The following SPATA31H1 variants were observed in gnomAD, a reference collection of about 807,000 sequenced individuals.
The protein encoded by SPATA31H1 is spermatogenesis-associated protein 31H1.
At chr2:27,550,224 C>CT in the SPATA31H1 span, among the ~76,000 whole-genome samples, 29,178 of 140,438 alleles carry the variant, frequency 0.21, 3,140 homozygotes, top group East Asian at 0.36. Flanking sequence ...AGTGGGGATT[C>CT]TTTTTTTTTT....
At chr2:27,568,952 C>T in the SPATA31H1 span, 1 of 398,942 alleles carries the variant, frequency 2.5e-6, no homozygotes, top group Non-Finnish European at 4.4e-6. Flanking sequence ...TAGAGATGAT[C>T]TCCGGACCAG....
the SPATA31H1 span, among the ~76,000 whole-genome samples, chr2:27,547,840 T>C: frequency 6.6e-6 from 1 of 151,976 alleles, no homozygotes. Context: ...GCTTCAACTC[T>C]CTTACCTTAT....
the SPATA31H1 span, among the ~76,000 whole-genome samples, chr2:27,539,205 A>G: frequency 1.4e-4 from 20 of 147,622 alleles, no homozygotes; most frequent in Admixed American, 1.3e-3. Flanking sequence ...AGGTCAGTAG[A>G]TAAACAAGTG....
chr2:27,580,366 G>GTGAC, the SPATA31H1 span: 1 of 1,614,176 alleles, frequency 6.2e-7, no homozygotes, highest in Non-Finnish European at 8.5e-7. Context: ...CTACCAGAGA[G>GTGAC]TGACTCTGAA....
chr2:27,551,193 G>C, the SPATA31H1 span, among the ~76,000 whole-genome samples: 1 of 151,850 alleles, frequency 6.6e-6, no homozygotes, highest in Non-Finnish European at 1.5e-5. Context: ...CCTGGCGGAT[G>C]CTTTTCATAT....
chr2:27,549,704 G>A, the SPATA31H1 span, among the ~76,000 whole-genome samples: 16 of 151,956 alleles, frequency 1.1e-4, no homozygotes, highest in East Asian at 3.1e-3. Context: ...AGCTACTTGG[G>A]AGGCTGAGGT....
the SPATA31H1 span, chr2:27,581,252 C>A: frequency 1.9e-6 from 3 of 1,614,110 alleles, no homozygotes; most frequent in Non-Finnish European, 1.7e-6. Context: ...CCCGTCATAA[C>A]CCCTCTTGGA....
chr2:27,560,612 C>T, the SPATA31H1 span, among the ~76,000 whole-genome samples: 1 of 152,080 alleles, frequency 6.6e-6, no homozygotes, highest in East Asian at 1.9e-4. Context: ...CGCCCGCCTC[C>T]ACACCCAGCT....
At chr2:27,576,992 G>C in the SPATA31H1 span, 18 of 1,614,046 alleles carry the variant, frequency 1.1e-5, no homozygotes, top group East Asian at 3.6e-4. Flanking sequence ...CACAGCCAAA[G>C]TATCAAATCC....
At chr2:27,560,335 G>A in the SPATA31H1 span, among the ~76,000 whole-genome samples, 1 of 96,382 alleles carries the variant, frequency 1.0e-5, no homozygotes, top group African/African-American at 3.6e-5. Context: ...TAATTTGACT[G>A]TATTTTTTCA....
the SPATA31H1 span, chr2:27,570,065 T>A: frequency 3.6e-4 from 144 of 398,892 alleles, 1 homozygote; most frequent in African/African-American, 2.7e-3. Context: ...AACCTCAAGA[T>A]GTGAAATTTG....
chr2:27,560,550 C>T, the SPATA31H1 span, among the ~76,000 whole-genome samples: 1 of 151,634 alleles, frequency 6.6e-6, no homozygotes, highest in South Asian at 2.1e-4. Context: ...CTCAGCCTCC[C>T]GGGTTCACGC....
At chr2:27,558,919 G>GAGGGGA in the SPATA31H1 span, among the ~76,000 whole-genome samples, 1 of 93,988 alleles carries the variant, frequency 1.1e-5, no homozygotes, top group East Asian at 3.7e-4. Flanking sequence ...GAGGGAGAGG[G>GAGGGGA]AGGGGGAGGG....
chr2:27,582,663 G>A, the SPATA31H1 span: 4 of 851,232 alleles, frequency 4.7e-6, no homozygotes, highest in Non-Finnish European at 7.3e-6. Flanking sequence ...TCTACCGGGG[G>A]GGAGGCGGGT....
At chr2:27,570,381 G>C in the SPATA31H1 span, 1 of 398,806 alleles carries the variant, frequency 2.5e-6, no homozygotes, top group African/African-American at 2.1e-5. Flanking sequence ...ATGGCAGCAA[G>C]ATATCAAATT....
the SPATA31H1 span, chr2:27,577,812 G>A: frequency 1.2e-6 from 2 of 1,614,126 alleles, no homozygotes; most frequent in Non-Finnish European, 1.7e-6. The surrounding 1 kb of genome is among the most constrained non-coding windows in gnomAD (Gnocchi z 4.5). Flanking sequence ...GCTACAAATG[G>A]AGGAATCTTT....
chr2:27,559,028 T>C, the SPATA31H1 span, among the ~76,000 whole-genome samples: 1 of 152,184 alleles, frequency 6.6e-6, no homozygotes, highest in Non-Finnish European at 1.5e-5. Context: ...CTTGGATTTG[T>C]TTTTATTCCC....
chr2:27,559,750 C>T, the SPATA31H1 span, among the ~76,000 whole-genome samples: 1 of 151,940 alleles, frequency 6.6e-6, no homozygotes, highest in Admixed American at 6.6e-5. Flanking sequence ...CATTTCAGTA[C>T]TTTGCATTCT....
chr2:27,544,269 G>T, the SPATA31H1 span, among the ~76,000 whole-genome samples: 2 of 151,890 alleles, frequency 1.3e-5, no homozygotes, highest in African/African-American at 4.9e-5. Flanking sequence ...GATGAGTTTT[G>T]ATAAATTTAT....
Sources: allele counts gnomAD v4.1 joint callset (sites outside exome capture counted in the v4.1 genomes callset), GRCh38; gene constraint gnomAD v4.1.1; non-coding constraint Gnocchi (gnomAD v3.1); transcripts MANE v1.5; gene names NCBI Gene and HGNC (gene_info 2026-07-23, HGNC 2026-07-21).